Variants in CDC5L observed in about 807,000 individuals in gnomAD.
CDC5L encodes the protein cell division cycle 5-like protein.
A neutral mutation model predicts 104.1 loss-of-function variants in CDC5L; 18 were observed. The ratio of observed to expected loss-of-function variants is 0.17; its 90% CI spans 0.12 to 0.26. The LOEUF (loss-of-function observed/expected upper bound fraction) is 0.26, where lower values mean the gene tolerates loss of function less well. Ranked by LOEUF, CDC5L falls within the 10% of genes least tolerant of loss-of-function variation. The pLI is 1.00. For synonymous variants in CDC5L, 331 were observed against 322.7 expected, an observed-to-expected ratio of 1.03 and a Z score of -0.28; for missense variants, 673 against 956.9, an observed-to-expected ratio of 0.70 and a Z score of 3.91.
intron 14 of CDC5L, among the ~76,000 whole-genome samples, chr6:44,444,755 C>G (rs983638198): frequency 1.3e-5 from 2 of 152,078 alleles, no homozygotes; most frequent in Non-Finnish European, 2.9e-5. Context: ...CATGCATATG[C>G]CTAGTCTCTT....
At position 44,398,246 on chromosome 6, in the gene CDC5L, G is replaced by A. The variant is rs140160218; in HGVS notation, c.539+1806G>A. 5.4e-3 allele frequency among the ~76,000 whole-genome samples: 822 copies of A among 152,202 alleles called. 2 individuals carry two copies. The highest frequency in any genetic ancestry group is 8.3e-3 in the Non-Finnish European group (562 of 67,998). On this transcript the variant is annotated intron_variant, in intron 5 of 15. Transcript: ENST00000371477. ...CCATTCTTGGCCACCTCTCTATTCT[G>A]TATACTCTTCAGAGTTAAGTACTGT...
intron 5 of CDC5L, among the ~76,000 whole-genome samples, chr6:44,399,614 T>C (rs1028682375): frequency 6.6e-6 from 1 of 152,212 alleles, no homozygotes; most frequent in Non-Finnish European, 1.5e-5. Flanking sequence ...ACATCTACTG[T>C]TGAGCCTCTC....
At chr6:44,411,608 C>CAGAGAGAGAGAGAGAGAGAGAG (rs1292898511) in intron 8 of CDC5L, among the ~76,000 whole-genome samples, 1 of 135,440 alleles carries the variant, frequency 7.4e-6, no homozygotes, top group Admixed American at 7.4e-5. Context: ...CTGTGAGAGA[C>CAGAGAGAGAGAGAGAGAGAGAG]AGAGAGAGAG....
intron 1 of CDC5L, 70 bp downstream of exon 1, chr6:44,387,938 G>GTT: frequency 6.8e-7 from 1 of 1,471,956 alleles, no homozygotes. Context: ...GCGCGCGGAG[G>GTT]TCGGGGGGGC....
At chr6:44,423,084 T>A (rs1348044652) in intron 10 of CDC5L, among the ~76,000 whole-genome samples, 1 of 152,202 alleles carries the variant, frequency 6.6e-6, no homozygotes, top group East Asian at 1.9e-4. Flanking sequence ...AAGCTAACTG[T>A]AAAAAGTTAA....
At chr6:44,404,734 C>T (rs1791287519) in intron 6 of CDC5L, among the ~76,000 whole-genome samples, 1 of 151,860 alleles carries the variant, frequency 6.6e-6, no homozygotes, top group Non-Finnish European at 1.5e-5. Flanking sequence ...TCACTCTTAT[C>T]ACCCAGGCTG....
chr6:44,425,895 A>T lies in CDC5L; in HGVS notation c.1570-208A>T, dbSNP rs1293209. Reference sequence around the variant, plus strand: ...AAGTTTGGAGAATGCTCTAGTAGACATTGGAAGCTCTTAGTTTCTATTATA... The same window carrying T: ...AAGTTTGGAGAATGCTCTAGTAGACTTTGGAAGCTCTTAGTTTCTATTATA... On this transcript the variant is annotated intron_variant, in intron 11 of 15. Coordinates refer to ENST00000371477, the MANE Select transcript of CDC5L (RefSeq NM_001253.4). Among the ~76,000 whole-genome samples the T allele has an allele frequency of 7.4e-3, 1,133 of 152,094 alleles. 13 individuals carry two copies. Among genetic ancestry groups the T allele is most frequent in the African/African-American group, 0.025 (1,054 of 41,464 alleles).
chr6:44,414,086 G>T (rs1791790076), intron 8 of CDC5L, among the ~76,000 whole-genome samples: 1 of 151,456 alleles, frequency 6.6e-6, no homozygotes, highest in Non-Finnish European at 1.5e-5. Context: ...TATCTTTGTT[G>T]TTGTTGTTAT....
chr6:44,393,739 A>G (rs1371864442), intron 4 of CDC5L, among the ~76,000 whole-genome samples, 166 bp downstream of exon 4: 13 of 152,008 alleles, frequency 8.6e-5, no homozygotes, highest in Admixed American at 8.5e-4. Flanking sequence ...ATCATGGTTC[A>G]CTGCGGTTTT....
intron 14 of CDC5L, among the ~76,000 whole-genome samples, chr6:44,430,575 TC>T (rs1160892425): frequency 1.2e-4 from 18 of 149,734 alleles, no homozygotes; most frequent in African/African-American, 4.5e-4. Flanking sequence ...CCTTGTGCAT[TC>T]TTTTTTTTTT....
At chr6:44,440,504 A>G (rs905844407) in intron 14 of CDC5L, among the ~76,000 whole-genome samples, 2 of 152,004 alleles carry the variant, frequency 1.3e-5, no homozygotes, top group African/African-American at 4.8e-5. Flanking sequence ...TGGCCTTCCA[A>G]AGTGCTGGGA....
At chr6:44,400,204 A>T (rs536752898) in intron 5 of CDC5L, among the ~76,000 whole-genome samples, 17 of 151,976 alleles carry the variant, frequency 1.1e-4, no homozygotes, top group African/African-American at 3.9e-4. Context: ...ATCTGGTTGC[A>T]CTCTCAGGCA....
intron 8 of CDC5L, among the ~76,000 whole-genome samples, chr6:44,410,157 T>A (rs1791563966): frequency 6.6e-6 from 1 of 152,214 alleles, no homozygotes; most frequent in African/African-American, 2.4e-5. Context: ...CTGTAATGTA[T>A]AATATCTTGA....
At chr6:44,404,784 C>G (rs1791289753) in intron 6 of CDC5L, among the ~76,000 whole-genome samples, 1 of 152,072 alleles carries the variant, frequency 6.6e-6, no homozygotes, top group African/African-American at 2.4e-5. Context: ...TATCCACCTC[C>G]CAGGCTCAAG....
At chr6:44,390,936 AAT>A (rs1208943541) in intron 2 of CDC5L, among the ~76,000 whole-genome samples, 2 of 142,350 alleles carry the variant, frequency 1.4e-5, no homozygotes, top group South Asian at 2.2e-4. Context: ...AAACATATTT[AAT>A]ATGTTATATA....
intron 3 of CDC5L, among the ~76,000 whole-genome samples, chr6:44,393,164 GTT>G (rs773786751): frequency 2.1e-4 from 22 of 107,218 alleles, no homozygotes; most frequent in African/African-American, 6.0e-4. Flanking sequence ...TTTACTAATA[GTT>G]TTTTTTTTTT....
At chr6:44,436,775 C>T (rs925718235) in intron 14 of CDC5L, among the ~76,000 whole-genome samples, 6 of 152,126 alleles carry the variant, frequency 3.9e-5, no homozygotes, top group East Asian at 1.9e-4. Context: ...AATAGAATTA[C>T]GGTGCGTGAA....
At chr6:44,429,015 CTTTTTTTTTTTTTTTT>C (rs922435895) in intron 13 of CDC5L, among the ~76,000 whole-genome samples, 18 of 95,614 alleles carry the variant, frequency 1.9e-4, no homozygotes, top group Admixed American at 6.5e-4. Context: ...GTTTCATTAG[CTTTTTTTTTTTTTTTT>C]TTTTTTTTGA....
chr6:44,391,088 A>T (rs941017906), intron 2 of CDC5L, among the ~76,000 whole-genome samples: 3 of 143,662 alleles, frequency 2.1e-5, no homozygotes, highest in African/African-American at 7.6e-5. Flanking sequence ...TATATATTAA[A>T]CATTTAATAT....
Sources: gnomAD v4.1 joint callset for allele counts (sites outside exome capture counted in the v4.1 genomes callset) on GRCh38, gnomAD v4.1.1 for gene constraint, MANE v1.5 for transcripts, NCBI Gene and HGNC (gene_info 2026-07-23, HGNC 2026-07-21) for gene names.